Variants in RHBDD1 observed in about 807,000 individuals in gnomAD.
RHBDD1 encodes the protein rhomboid domain containing 1, also known as rhomboid-related protein 4.
Under a neutral mutation model 36.3 loss-of-function variants are expected in RHBDD1, and 38 were observed. That is an observed-to-expected ratio of 1.05 (90% CI 0.81 to 1.37). The LOEUF (loss-of-function observed/expected upper bound fraction) is 1.37. Among genes scored for constraint, RHBDD1 ranks in the 40% most tolerant of loss-of-function variants. RHBDD1 has a pLI of 0.00. For synonymous variants in RHBDD1, 151 were observed against 136.5 expected (o/e 1.11, Z -0.74); for missense variants, 393 against 377.6 (o/e 1.04, Z -0.34).
chr2:226,968,639 G>C (rs1471989621), intron 8 of RHBDD1, among the ~76,000 whole-genome samples: 4 of 152,200 alleles, frequency 2.6e-5, no homozygotes, highest in African/African-American at 7.2e-5. Flanking sequence ...CTTGGAGATT[G>C]AATGTTTGCG....
At chr2:226,948,496 A>G (rs1388174272) in intron 8 of RHBDD1, among the ~76,000 whole-genome samples, 2 of 148,142 alleles carry the variant, frequency 1.4e-5, no homozygotes, top group Non-Finnish European at 3.0e-5. Context: ...GCAGCGCACC[A>G]GCATGGCACA....
intron 8 of RHBDD1, among the ~76,000 whole-genome samples, chr2:226,953,810 C>T (rs1457197443): frequency 5.9e-5 from 9 of 152,108 alleles, no homozygotes; most frequent in Admixed American, 3.9e-4. Context: ...TGGGTTCCAG[C>T]GATCATTTTG....
chr2:226,894,949 G>A (rs919702127), intron 5 of RHBDD1, among the ~76,000 whole-genome samples: 2 of 152,178 alleles, frequency 1.3e-5, no homozygotes, highest in Non-Finnish European at 2.9e-5. Context: ...GAGGGCAAAA[G>A]GAATGGCACA....
chr2:226,962,439 C>A (rs915263189), intron 8 of RHBDD1, among the ~76,000 whole-genome samples: 1 of 152,226 alleles, frequency 6.6e-6, no homozygotes, highest in South Asian at 2.1e-4. Context: ...TTAGCCCTGA[C>A]AGAACTGTGA....
At chr2:226,802,740 G>A in the RHBDD1 span, among the ~76,000 whole-genome samples, 1 of 152,176 alleles carries the variant, frequency 6.6e-6, no homozygotes, top group Admixed American at 6.5e-5. Flanking sequence ...AATATGCTAA[G>A]GTTCATTTTA....
intron 7 of RHBDD1, among the ~76,000 whole-genome samples, chr2:226,910,409 A>G (rs1052325795): frequency 2.0e-5 from 3 of 152,328 alleles, no homozygotes; most frequent in African/African-American, 2.4e-5. Flanking sequence ...ATGGTCATCT[A>G]GGGAACTTTT....
chr2:226,838,818 A>G (rs1351615784), intron 2 of RHBDD1, among the ~76,000 whole-genome samples: 1 of 152,248 alleles, frequency 6.6e-6, no homozygotes, highest in African/African-American at 2.4e-5. Flanking sequence ...TAACGTGAAA[A>G]AACACCATCT....
At chr2:226,853,943 G>C (rs575551052) in intron 3 of RHBDD1, among the ~76,000 whole-genome samples, 1 of 152,132 alleles carries the variant, frequency 6.6e-6, no homozygotes, top group East Asian at 1.9e-4. Flanking sequence ...CTTGGCCGGT[G>C]GTGGGTAGAC....
the RHBDD1 span, among the ~76,000 whole-genome samples, chr2:226,825,266 T>C: frequency 1.3e-5 from 2 of 152,096 alleles, no homozygotes; most frequent in African/African-American, 2.4e-5. Context: ...ATCAGAATTT[T>C]AGTTGGTTAA....
chr2:226,824,411 T>C, the RHBDD1 span, among the ~76,000 whole-genome samples: 1 of 152,210 alleles, frequency 6.6e-6, no homozygotes, highest in Non-Finnish European at 1.5e-5. Context: ...TCCACTTATA[T>C]ATATCTAACA....
intron 5 of RHBDD1, 129 bp from the exon 6 acceptor site, chr2:226,906,664 A>G: frequency 1.3e-6 from 2 of 1,547,036 alleles, no homozygotes; most frequent in South Asian, 1.3e-5. Flanking sequence ...GCTGCTTAGC[A>G]TAAAAGACTT....
chr2:226,916,333 G>A (rs1438769500), intron 8 of RHBDD1, among the ~76,000 whole-genome samples: 1 of 152,160 alleles, frequency 6.6e-6, no homozygotes, highest in Non-Finnish European at 1.5e-5. Context: ...CAGTATCACA[G>A]TCATTCAAAA....
chr2:226,954,039 G>C (rs1951614178), intron 8 of RHBDD1, among the ~76,000 whole-genome samples: 1 of 152,148 alleles, frequency 6.6e-6, no homozygotes, highest in Non-Finnish European at 1.5e-5. Context: ...TCTTCTTCCT[G>C]GGTGGTCATA....
At chr2:226,987,973 G>A (rs1395823073) in intron 8 of RHBDD1, among the ~76,000 whole-genome samples, 11 of 152,100 alleles carry the variant, frequency 7.2e-5, no homozygotes, top group African/African-American at 2.7e-4. Context: ...CTGTTTGATG[G>A]AAACTTCTGT....
At chr2:226,972,340 GC>G (rs1372863467) in intron 8 of RHBDD1, among the ~76,000 whole-genome samples, 3 of 152,120 alleles carry the variant, frequency 2.0e-5, no homozygotes, top group Non-Finnish European at 4.4e-5. Context: ...GATGGAAAAA[GC>G]CCACTTCTTA....
At chr2:226,973,670 A>G (rs1012562604) in intron 8 of RHBDD1, among the ~76,000 whole-genome samples, 26 of 152,368 alleles carry the variant, frequency 1.7e-4, no homozygotes, top group African/African-American at 5.5e-4. Context: ...AAGAGTAAAC[A>G]GATGGAGATG....
At chr2:226,892,322 C>G (rs1259407227) in intron 5 of RHBDD1, among the ~76,000 whole-genome samples, 1 of 152,068 alleles carries the variant, frequency 6.6e-6, no homozygotes, top group African/African-American at 2.4e-5. Flanking sequence ...TTTATTCATA[C>G]CAGATTTAAC....
chr2:226,993,787 C>T (rs749969348), intron 8 of RHBDD1, among the ~76,000 whole-genome samples: 6 of 152,154 alleles, frequency 3.9e-5, no homozygotes, highest in East Asian at 3.8e-4. Context: ...TCTTTGACAA[C>T]GGAAACTTCA....
chr2:226,917,500 G>T (rs1446843032), intron 8 of RHBDD1, among the ~76,000 whole-genome samples: 1 of 152,038 alleles, frequency 6.6e-6, no homozygotes, highest in Non-Finnish European at 1.5e-5. Context: ...GAAGCCAAGG[G>T]TTTTGTTTCT....
Sources: allele counts gnomAD v4.1 joint callset (sites outside exome capture counted in the v4.1 genomes callset), GRCh38; gene constraint gnomAD v4.1.1; transcripts MANE v1.5; gene names NCBI Gene and HGNC (gene_info 2026-07-23, HGNC 2026-07-21).